The following ABCB4 variants were observed in gnomAD, a reference collection of about 807,000 sequenced individuals.
ABCB4 encodes the protein ATP binding cassette subfamily B member 4, also known as phosphatidylcholine translocator ABCB4.
In ABCB4, 76 loss-of-function variants were observed where a neutral mutation model predicts 145.7. The observed-to-expected ratio is 0.52, with a 90% CI of 0.43 to 0.63. ABCB4 has a LOEUF of 0.63. Ranked by LOEUF, ABCB4 falls within the 30% of genes least tolerant of loss-of-function variation. The pLI, the probability that ABCB4 is intolerant of heterozygous loss-of-function variation, is 0.00. For synonymous variants in ABCB4, 517 were observed against 566.8 expected (o/e 0.91, Z 1.25); for missense variants, 1,234 against 1,553.1 (o/e 0.79, Z 3.45).
chr7:87,473,235 C>T (rs1391979672), intron 2 of ABCB4, among the ~76,000 whole-genome samples: 1 of 152,222 alleles, frequency 6.6e-6, no homozygotes, highest in African/African-American at 2.4e-5. Flanking sequence ...CTTCTTTGCT[C>T]AAAAACCTAC....
At chr7:87,370,494 G>C in the ABCB4 span, among the ~76,000 whole-genome samples, 2 of 152,072 alleles carry the variant, frequency 1.3e-5, no homozygotes, top group Non-Finnish European at 2.9e-5. Context: ...AATAAACAGT[G>C]TTTTAATATC....
intron 19 of ABCB4, among the ~76,000 whole-genome samples, chr7:87,418,887 A>G (rs1212478494): frequency 6.6e-6 from 1 of 152,130 alleles, no homozygotes; most frequent in Non-Finnish European, 1.5e-5. Context: ...AGCTCCTCCC[A>G]AGGCTGGGAG....
At chr7:87,419,801 A>C (rs1432489453) in intron 19 of ABCB4, among the ~76,000 whole-genome samples, 197 bp downstream of exon 19, 3 of 148,072 alleles carry the variant, frequency 2.0e-5, no homozygotes, top group Non-Finnish European at 3.0e-5. Context: ...AAAAAACAAA[A>C]ACAAAAAAAA....
chr7:87,409,203 T>A, intron 24 of ABCB4, 33 bp downstream of exon 24: 1 of 1,613,520 alleles, frequency 6.2e-7, no homozygotes, highest in Non-Finnish European at 8.5e-7. Context: ...AGGGAAAAAT[T>A]GATCAAGCAT....
At chr7:87,444,259 A>G (rs1478951735) in intron 10 of ABCB4, among the ~76,000 whole-genome samples, 1 of 152,236 alleles carries the variant, frequency 6.6e-6, no homozygotes, top group African/African-American at 2.4e-5. Flanking sequence ...TCAGAAACTG[A>G]GCACTTTTCT....
chr7:87,456,617 G>A (rs1436658908), intron 4 of ABCB4, among the ~76,000 whole-genome samples: 1 of 152,174 alleles, frequency 6.6e-6, no homozygotes, highest in African/African-American at 2.4e-5. Flanking sequence ...TGAACCATGA[G>A]CCAAATAAAC....
intron 16 of ABCB4, among the ~76,000 whole-genome samples, chr7:87,426,026 C>CA (rs541329761): frequency 0.077 from 11,176 of 145,768 alleles, 423 homozygotes; most frequent in South Asian, 0.14. Flanking sequence ...ATGCATACAG[C>CA]AAAAAAAAAA....
intron 26 of ABCB4, among the ~76,000 whole-genome samples, chr7:87,403,767 T>C (rs979683642): frequency 3.9e-5 from 6 of 152,216 alleles, no homozygotes; most frequent in African/African-American, 1.4e-4. Flanking sequence ...GTATACGCAG[T>C]CTGTCATTGA....
downstream of ABCB4, among the ~76,000 whole-genome samples, chr7:87,396,760 A>G (rs1286573854): frequency 2.0e-5 from 3 of 152,110 alleles, no homozygotes; most frequent in Non-Finnish European, 4.4e-5. Flanking sequence ...ATTACATGGC[A>G]TAAGACTATA....
the ABCB4 span, chr7:87,375,561 G>C: frequency 1.9e-6 from 2 of 1,043,732 alleles, no homozygotes; most frequent in Non-Finnish European, 3.0e-6. Context: ...TCAATGTTAT[G>C]ACCTTTTAAA....
At chr7:87,448,305 C>T (rs1347622565) in intron 8 of ABCB4, among the ~76,000 whole-genome samples, 1 of 152,098 alleles carries the variant, frequency 6.6e-6, no homozygotes, top group Non-Finnish European at 1.5e-5. Context: ...AAACAAAACA[C>T]AGCAACACCA....
At chr7:87,449,766 A>G (rs1241352830) in intron 8 of ABCB4, among the ~76,000 whole-genome samples, 1 of 152,192 alleles carries the variant, frequency 6.6e-6, no homozygotes, top group Non-Finnish European at 1.5e-5. Context: ...CACATAGCCA[A>G]AAGAGTCCAT....
intron 6 of ABCB4, 102 bp from the exon 7 acceptor site, chr7:87,451,896 A>G (rs1224196021): frequency 6.1e-5 from 66 of 1,075,416 alleles, no homozygotes; most frequent in Middle Eastern, 4.0e-4. Context: ...TTGTTCACTG[A>G]CTGCAAGCCT....
At chr7:87,472,306 A>T (rs1201356009) in intron 3 of ABCB4, among the ~76,000 whole-genome samples, 1 of 151,910 alleles carries the variant, frequency 6.6e-6, no homozygotes, top group Non-Finnish European at 1.5e-5. Flanking sequence ...GCAGCCTCAG[A>T]CTCCTAAGAC....
chr7:87,383,267 C>T, the ABCB4 span, among the ~76,000 whole-genome samples: 3 of 152,100 alleles, frequency 2.0e-5, no homozygotes, highest in African/African-American at 7.2e-5. Context: ...TCCTCTCCCC[C>T]CTACTCATCC....
At chr7:87,387,611 T>C in the ABCB4 span, among the ~76,000 whole-genome samples, 1 of 152,268 alleles carries the variant, frequency 6.6e-6, no homozygotes, top group South Asian at 2.1e-4. Context: ...TTATATATTG[T>C]ATTCTTACAA....
intron 3 of ABCB4, among the ~76,000 whole-genome samples, chr7:87,464,437 G>A (rs563009114): frequency 1.3e-5 from 2 of 152,166 alleles, no homozygotes; most frequent in Non-Finnish European, 2.9e-5. Context: ...GTGTCCCAAA[G>A]GTTCATTTTT....
At chr7:87,391,881 G>A in the ABCB4 span, among the ~76,000 whole-genome samples, 2 of 152,180 alleles carry the variant, frequency 1.3e-5, no homozygotes, top group South Asian at 4.1e-4. Context: ...AGTGAAATGT[G>A]TAATTGGAAA....
chr7:87,393,056 C>T, the ABCB4 span: 1 of 1,613,156 alleles, frequency 6.2e-7, no homozygotes, highest in Admixed American at 1.7e-5. Context: ...TCTACCATAT[C>T]AGAGATGACA....
Sources: gnomAD v4.1 joint callset for allele counts (sites outside exome capture counted in the v4.1 genomes callset) on GRCh38, gnomAD v4.1.1 for gene constraint, MANE v1.5 for transcripts, NCBI Gene and HGNC (gene_info 2026-07-23, HGNC 2026-07-21) for gene names.